ADGRV1: variants seen among roughly 807,000 people sequenced by gnomAD.
ADGRV1 encodes G-protein coupled receptor 98.
In ADGRV1, 359 loss-of-function variants were observed where a neutral mutation model predicts 596.2. The ratio of observed to expected loss-of-function variants is 0.60; its 90% CI spans 0.55 to 0.66. The LOEUF is 0.66. ADGRV1 is among the 30% of genes least tolerant of loss of function. The probability of loss-of-function intolerance (pLI) is 0.00; values close to 1 mark genes in which losing one functional copy is unlikely to be tolerated. For missense variants in ADGRV1, 7,274 were observed against 7,575.6 expected (o/e 0.96, Z 1.48); for synonymous variants, 2,681 against 2,679.2 (o/e 1.00, Z -0.02).
At chr5:90,906,868 G>T (rs935799382) in intron 83 of ADGRV1, among the ~76,000 whole-genome samples, 2 of 152,036 alleles carry the variant, frequency 1.3e-5, no homozygotes, top group African/African-American at 2.4e-5. Context: ...GTAGGAAAAG[G>T]CAGAATTGCT....
rs543659555 is a variant in ADGRV1 at position 90,600,613 on chromosome 5, G to A, written c.23-14222G>A. Among the ~76,000 whole-genome samples, 13 of 152,244 alleles carry A rather than the reference G, an allele frequency of 8.5e-5. No homozygotes were observed. The South Asian group carries it at 2.5e-3, about 29-fold the overall frequency. ...TATTGTGAATAGTGCAGCAATAAAC[G>A]TACATGTGCATGTGTCTTTATAGTG... On this transcript the variant is annotated intron_variant, in intron 1 of 89. Transcript: ENST00000405460.
chr5:90,881,310 G>A (rs1407109911), intron 83 of ADGRV1, among the ~76,000 whole-genome samples: 1 of 152,156 alleles, frequency 6.6e-6, no homozygotes, highest in African/African-American at 2.4e-5. Context: ...GGAGAAGAAT[G>A]AAAAACAGCT....
intron 1 of ADGRV1, among the ~76,000 whole-genome samples, chr5:90,595,232 C>G (rs1760177420): frequency 2.1e-5 from 1 of 47,760 alleles, no homozygotes; most frequent in Non-Finnish European, 4.8e-5. Context: ...CACCTCCTTC[C>G]CGGACGGGGC....
At chr5:91,144,003 C>T (rs914455928) in intron 87 of ADGRV1, among the ~76,000 whole-genome samples, 1 of 152,170 alleles carries the variant, frequency 6.6e-6, no homozygotes, top group Non-Finnish European at 1.5e-5. Flanking sequence ...GGCTTGGCCT[C>T]AACTTTGCTG....
At chr5:90,927,327 G>T (rs1235255708) in intron 83 of ADGRV1, among the ~76,000 whole-genome samples, 1 of 151,534 alleles carries the variant, frequency 6.6e-6, no homozygotes, top group Admixed American at 6.6e-5. Context: ...CCTGTATTGG[G>T]TGCATATATA....
chr5:91,035,201 C>T (rs1484564494), intron 85 of ADGRV1, among the ~76,000 whole-genome samples: 1 of 152,120 alleles, frequency 6.6e-6, no homozygotes, highest in Non-Finnish European at 1.5e-5. Flanking sequence ...TTTTTTATGT[C>T]CTTAATTCTC....
intron 6 of ADGRV1, 89 bp downstream of exon 6, chr5:90,625,332 C>T: frequency 1.4e-6 from 1 of 723,382 alleles, no homozygotes; most frequent in Non-Finnish European, 2.4e-6. Context: ...TGGCCAGTCG[C>T]ACCTCAGCTA....
chr5:90,854,202 G>T lies in ADGRV1; in HGVS notation c.17594+1G>T. Reference sequence around the variant, plus strand: ...TCCTTTGGAATCAGGCTGCTGCAAGGTACTTATTAATAAAATAAAAAAATC... The same window carrying T: ...TCCTTTGGAATCAGGCTGCTGCAAGTTACTTATTAATAAAATAAAAAAATC... On this transcript the variant is annotated splice_donor_variant, in intron 81 of 89. Transcript: ENST00000405460. LOFTEE classifies it high-confidence loss of function. 3.9e-6 allele frequency: 6 copies of T among 1,525,078 alleles called. No individual in the cohort carries two copies. Among genetic ancestry groups the T allele is most frequent in the Non-Finnish European group, 5.3e-6 (6 of 1,137,132 alleles). 94.5% of individuals were successfully genotyped at this position (1,525,078 alleles called of 1,614,324 possible). A position where few individuals can be genotyped will look rare whatever the true frequency, so the allele number is the denominator to read the frequency against.
rs777200914 is a variant in ADGRV1, at chr5:90,848,783, T to C, written c.17166T>C (p.Ser5722=). ...FAEVTENFAF[S]LLTNVTCGSP... ...AAGTGACTGAGAATTTTGCCTTTTC[T>C]CTGCTGACTAATGTTACTTGCGGCT... The change falls in exon 79 of 90, where the codon TCT becomes TCC. Residue 5722 remains serine, a synonymous_variant. Transcript: ENST00000405460. 9.4e-6 allele frequency: 15 copies of C among 1,588,694 alleles called. No individual in the cohort carries two copies. The highest frequency in any genetic ancestry group is 1.2e-5 in the South Asian group (1 of 85,234).
At chr5:91,107,807 A>G (rs1047934337) in intron 87 of ADGRV1, among the ~76,000 whole-genome samples, 7 of 152,226 alleles carry the variant, frequency 4.6e-5, no homozygotes, top group African/African-American at 1.7e-4. Flanking sequence ...TAGGATTATA[A>G]TGATAGCCTG....
At chr5:91,095,910 G>A (rs1381472404) in intron 86 of ADGRV1, among the ~76,000 whole-genome samples, 1 of 150,766 alleles carries the variant, frequency 6.6e-6, no homozygotes, top group African/African-American at 2.5e-5. Context: ...AGCCTCCCGA[G>A]TAGCCACCAT....
At chr5:91,072,948 C>T (rs1341064981) in intron 86 of ADGRV1, among the ~76,000 whole-genome samples, 1 of 152,168 alleles carries the variant, frequency 6.6e-6, no homozygotes, top group African/African-American at 2.4e-5. Flanking sequence ...CTCTCCGATT[C>T]TGAGACTTCT....
intron 84 of ADGRV1, among the ~76,000 whole-genome samples, chr5:90,968,173 A>G (rs1436655025): frequency 6.6e-6 from 1 of 152,214 alleles, no homozygotes; most frequent in Non-Finnish European, 1.5e-5. Context: ...ATTTGGCACA[A>G]CTCAGAGCAA....
At chr5:91,085,163 G>A (rs1166857184) in intron 86 of ADGRV1, among the ~76,000 whole-genome samples, 1 of 152,106 alleles carries the variant, frequency 6.6e-6, no homozygotes, top group African/African-American at 2.4e-5. Flanking sequence ...AACCAACATG[G>A]CACATGTATA....
chr5:90,752,834 T>C (rs1406332288), intron 53 of ADGRV1, among the ~76,000 whole-genome samples: 1 of 152,228 alleles, frequency 6.6e-6, no homozygotes, highest in Non-Finnish European at 1.5e-5. Context: ...ATAGAGCTTT[T>C]GAATTTATAT....
intron 86 of ADGRV1, among the ~76,000 whole-genome samples, chr5:91,088,869 A>G (rs1003314659): frequency 2.0e-5 from 3 of 152,202 alleles, no homozygotes; most frequent in Non-Finnish European, 4.4e-5. Flanking sequence ...TTGATAGTCT[A>G]TCATTGGGCA....
chr5:90,660,292 G>A lies in ADGRV1; in HGVS notation c.4752+2014G>A, dbSNP rs141505040. Among the ~76,000 whole-genome samples the A allele has an allele frequency of 1.8e-3, 272 of 152,096 alleles. 7 individuals carry two copies. The East Asian group carries it at 0.044, about 25-fold the overall frequency. On this transcript the variant is annotated intron_variant, in intron 21 of 89. Coordinates refer to ENST00000405460, the MANE Select transcript of ADGRV1 (RefSeq NM_032119.4). ...AATTTTTAATTTTTCATTTGAATAT[G>A]GAAAATATCAGCAGATTTTAATGAT...
intron 42 of ADGRV1, among the ~76,000 whole-genome samples, chr5:90,713,440 C>T (rs529545376): frequency 1.3e-4 from 19 of 150,226 alleles, no homozygotes; most frequent in African/African-American, 4.7e-4. Flanking sequence ...GGTGGTAAAG[C>T]GTTGTATGAA....
At chr5:90,975,906 A>T (rs546697950) in intron 84 of ADGRV1, among the ~76,000 whole-genome samples, 5 of 152,116 alleles carry the variant, frequency 3.3e-5, no homozygotes, top group African/African-American at 1.2e-4. Flanking sequence ...AAAAATTGAC[A>T]GTAAGAATTT....
Sources: allele counts gnomAD v4.1 joint callset (sites outside exome capture counted in the v4.1 genomes callset), GRCh38; gene constraint gnomAD v4.1.1; transcripts MANE v1.5; gene names NCBI Gene and HGNC (gene_info 2026-07-23, HGNC 2026-07-21).